SREK1IP1: variants seen among roughly 807,000 people sequenced by gnomAD.
The protein encoded by SREK1IP1 is SREK1 interacting protein 1.
SREK1IP1 carries 12 observed loss-of-function variants against 22.8 expected under a neutral mutation model. The ratio of observed to expected loss-of-function variants is 0.53; its 90% confidence interval spans 0.34 to 0.85. The LOEUF (loss-of-function observed/expected upper bound fraction) is 0.85. Ranked by LOEUF, SREK1IP1 falls within the 40% of genes least tolerant of loss-of-function variation. The pLI is 0.02. For missense variants in SREK1IP1, 147 were observed against 171.8 expected (o/e 0.86, Z 0.81); for synonymous variants, 53 against 52.7 (o/e 1.01, Z -0.02).
intron 1 of SREK1IP1, among the ~76,000 whole-genome samples, chr5:64,762,267 G>A (rs998720425): frequency 5.9e-5 from 9 of 152,072 alleles, no homozygotes; most frequent in African/African-American, 2.2e-4. Flanking sequence ...TTAGTACTAA[G>A]TAATTAGAAA....
intron 3 of SREK1IP1, among the ~76,000 whole-genome samples, chr5:64,733,030 TAAAAATCAACTC>T (rs1742403876): frequency 6.6e-6 from 1 of 151,514 alleles, no homozygotes; most frequent in South Asian, 2.1e-4. Context: ...ACTGCTTACA[TAAAAATCAACTC>T]AAAATTTATC....
chr5:64,757,597 C>T (rs1453035439), intron 1 of SREK1IP1, among the ~76,000 whole-genome samples: 1 of 152,146 alleles, frequency 6.6e-6, no homozygotes, highest in African/African-American at 2.4e-5. Flanking sequence ...CAAGCACATA[C>T]ATCTCAAAAC....
intron 1 of SREK1IP1, among the ~76,000 whole-genome samples, chr5:64,759,023 G>A (rs57287139): frequency 0.063 from 9,572 of 152,210 alleles, 974 homozygotes; most frequent in African/African-American, 0.22. Context: ...TAGATCTGAG[G>A]CAAGTGACAC....
At chr5:64,726,688 C>T (rs1333226014) in intron 4 of SREK1IP1, among the ~76,000 whole-genome samples, 2 of 151,932 alleles carry the variant, frequency 1.3e-5, no homozygotes, top group Admixed American at 6.6e-5. Context: ...ACCTACTGAA[C>T]ATCATAGCTT....
In SREK1IP1 at chr5:64,760,747, T is replaced by C. The variant is rs557298893; in HGVS notation, c.14-6385A>G. 2.6e-5 allele frequency among the ~76,000 whole-genome samples: 4 copies of C among 152,376 alleles called. No individual in the cohort carries two copies. In the South Asian group the frequency reaches 8.3e-4, roughly 32 times the overall value. ...CACGTTTGTTTTCTCTAAATAAATCTGTCCTGACTGGCGAGCCATCTTTTC... is the reference window on the plus strand; with the variant it reads ...CACGTTTGTTTTCTCTAAATAAATCCGTCCTGACTGGCGAGCCATCTTTTC... On this transcript the variant is annotated intron_variant, in intron 1 of 4. Coordinates refer to ENST00000513458, the MANE Select transcript of SREK1IP1 (RefSeq NM_173829.4).
At chr5:64,746,909 T>A (rs1398839181) in intron 2 of SREK1IP1, among the ~76,000 whole-genome samples, 2 of 152,200 alleles carry the variant, frequency 1.3e-5, no homozygotes, top group East Asian at 3.8e-4. Flanking sequence ...GGGGTTCCCA[T>A]AACCCCATTC....
intron 3 of SREK1IP1, among the ~76,000 whole-genome samples, chr5:64,737,221 G>A (rs1742479421): frequency 6.6e-6 from 1 of 151,884 alleles, no homozygotes; most frequent in African/African-American, 2.4e-5. Flanking sequence ...AAGAAGATTG[G>A]AATCATATTG....
intron 2 of SREK1IP1, among the ~76,000 whole-genome samples, chr5:64,741,671 T>A (rs1742553214): frequency 6.6e-6 from 1 of 152,182 alleles, no homozygotes; most frequent in Non-Finnish European, 1.5e-5. Flanking sequence ...AGCATTAATA[T>A]AACTGAATGT....
In SREK1IP1 at chr5:64,718,659, C is replaced by T. The variant is rs539862919; in HGVS notation, c.*5725G>A. The T allele has an allele frequency of 1.3e-5, 2 of 152,220 alleles. No individual in the cohort carries two copies. Among genetic ancestry groups the T allele is most frequent in the Admixed American group, 6.5e-5 (1 of 15,276 alleles). The allele number at this position is 152,220 out of a possible 1,614,324, so 9.4% of individuals were successfully genotyped here. A position where few individuals can be genotyped will look rare whatever the true frequency, so the allele number is the denominator to read the frequency against. On this transcript the variant is annotated 3_prime_UTR_variant, in exon 5 of 5. Coordinates refer to ENST00000513458, the MANE Select transcript of SREK1IP1 (RefSeq NM_173829.4). ...AAAACAAATGAGTTCTCTGGTCCCA[C>T]CTAATGCTATCACATTAATACCACC... is the stretch of plus-strand genomic sequence containing the variant.
intron 4 of SREK1IP1, among the ~76,000 whole-genome samples, chr5:64,727,460 T>C (rs1287699219): frequency 6.7e-6 from 1 of 148,448 alleles, no homozygotes; most frequent in Non-Finnish European, 1.5e-5. Context: ...CCACCATATA[T>C]ATATATATAT....
At chr5:64,757,143 C>T (rs937741226) in intron 1 of SREK1IP1, among the ~76,000 whole-genome samples, 1 of 152,210 alleles carries the variant, frequency 6.6e-6, no homozygotes. Context: ...GGCATCATGG[C>T]GTACGCCTGT....
chr5:64,737,590 C>CA (rs1456537941), intron 3 of SREK1IP1, among the ~76,000 whole-genome samples: 2 of 126,808 alleles, frequency 1.6e-5, no homozygotes, highest in Non-Finnish European at 3.4e-5. Context: ...AAAAAAAACA[C>CA]AATAAATGAA....
intron 2 of SREK1IP1, among the ~76,000 whole-genome samples, chr5:64,749,198 T>C (rs983830371): frequency 6.6e-6 from 1 of 151,668 alleles, no homozygotes; most frequent in Non-Finnish European, 1.5e-5. Flanking sequence ...GTTTTATAAA[T>C]AGGGTACCCA....
chr5:64,718,354 T>G lies in SREK1IP1; in HGVS notation c.*6030A>C, dbSNP rs1423503361. On this transcript the variant is annotated 3_prime_UTR_variant, in exon 5 of 5. Transcript: ENST00000513458. ...GAAGTTTATGTCACATTACCAGCAT[T>G]TCTCAACTTTCTGATACTTACAGGC... 1 of 179,608 alleles carries G rather than the reference T, an allele frequency of 5.6e-6. No individual in the cohort carries two copies. Among genetic ancestry groups the G allele is most frequent in the African/African-American group, 2.4e-5 (1 of 42,076 alleles). The allele number at this position is 179,608 out of a possible 1,614,324, so 11.1% of individuals were successfully genotyped here. A position where few individuals can be genotyped will look rare whatever the true frequency, so the allele number is the denominator to read the frequency against.
intron 3 of SREK1IP1, among the ~76,000 whole-genome samples, chr5:64,728,859 A>G (rs578091258): frequency 5.9e-5 from 9 of 152,336 alleles, no homozygotes; most frequent in East Asian, 1.9e-4. Context: ...ATCTTTGTAC[A>G]TATAAGAAGT....
Position 64,734,567 on chromosome 5 carries a change from C to G in SREK1IP1, c.206-6388G>C, listed in dbSNP as rs186050980. 3.2e-3 allele frequency among the ~76,000 whole-genome samples: 490 copies of G among 151,764 alleles called. 1 individual carries two copies. Among genetic ancestry groups the G allele is most frequent in the Admixed American group, 5.8e-3 (88 of 15,258 alleles). ...TGAAACTTCCACTCAATGAATATAGCGTATCTTTACTTATTTCTTTAATGT... is the reference window on the plus strand; with the variant it reads ...TGAAACTTCCACTCAATGAATATAGGGTATCTTTACTTATTTCTTTAATGT... On this transcript the variant is annotated intron_variant, in intron 3 of 4. Coordinates refer to ENST00000513458, the MANE Select transcript of SREK1IP1 (RefSeq NM_173829.4).
intron 1 of SREK1IP1, among the ~76,000 whole-genome samples, chr5:64,766,591 T>C (rs16893128): frequency 0.051 from 7,701 of 152,326 alleles, 555 homozygotes; most frequent in African/African-American, 0.16. Context: ...TTTAAAATCC[T>C]TAAATGGCTT....
intron 3 of SREK1IP1, among the ~76,000 whole-genome samples, chr5:64,737,461 G>T (rs1274112975): frequency 7.3e-6 from 1 of 136,626 alleles, no homozygotes; most frequent in Admixed American, 7.8e-5. Flanking sequence ...TATGATAAAT[G>T]ATTTTATTAA....
At chr5:64,733,536 C>G (rs1432481149) in intron 3 of SREK1IP1, among the ~76,000 whole-genome samples, 1 of 152,120 alleles carries the variant, frequency 6.6e-6, no homozygotes, top group African/African-American at 2.4e-5. Flanking sequence ...ACACCAAATG[C>G]TAGTCACTCA....
Sources: gnomAD v4.1 joint callset for allele counts (sites outside exome capture counted in the v4.1 genomes callset) on GRCh38, gnomAD v4.1.1 for gene constraint, MANE v1.5 for transcripts, NCBI Gene and HGNC (gene_info 2026-07-23, HGNC 2026-07-21) for gene names.